Variants in PLA2G7 observed in about 807,000 individuals in gnomAD.
PLA2G7 encodes the protein phospholipase A2 group VII, also known as platelet-activating factor acetylhydrolase.
PLA2G7 carries 63 observed loss-of-function variants against 49.6 expected under a neutral mutation model. The ratio of observed to expected loss-of-function variants is 1.27; its 90% CI spans 1.04 to 1.57. The LOEUF (loss-of-function observed/expected upper bound fraction) is 1.57, where lower values mean the gene tolerates loss of function less well. PLA2G7 is among the 40% of genes most tolerant of loss of function. PLA2G7 has a pLI of 0.00. For missense variants in PLA2G7, 596 were observed against 521.2 expected, an observed-to-expected ratio of 1.14 and a Z score of -1.40; for synonymous variants, 193 against 169.9, an observed-to-expected ratio of 1.14 and a Z score of -1.06.
At chr6:46,733,113 C>T (rs1252136501) in intron 1 of PLA2G7, among the ~76,000 whole-genome samples, 1 of 152,186 alleles carries the variant, frequency 6.6e-6, no homozygotes, top group African/African-American at 2.4e-5. Flanking sequence ...CCCAGGGGCT[C>T]CCACTCCAGC....
chr6:46,727,008 T>C (rs1765592688), intron 1 of PLA2G7, among the ~76,000 whole-genome samples: 1 of 152,134 alleles, frequency 6.6e-6, no homozygotes, highest in Non-Finnish European at 1.5e-5. Context: ...AAAATAACTA[T>C]CTTCAATTTG....
At chr6:46,718,097 A>G (rs1427026473) in intron 2 of PLA2G7, among the ~76,000 whole-genome samples, 1 of 152,128 alleles carries the variant, frequency 6.6e-6, no homozygotes, top group East Asian at 1.9e-4. Flanking sequence ...CAACTGTCTC[A>G]TTTATGCCCT....
At chr6:46,716,884 A>C (rs1765219992) in intron 3 of PLA2G7, 91 bp downstream of exon 3, 1 of 1,311,574 alleles carries the variant, frequency 7.6e-7, no homozygotes, top group Non-Finnish European at 1.1e-6. Flanking sequence ...TTCTCAGGTG[A>C]GGGCAAGGTC....
chr6:46,709,197 G>T, intron 9 of PLA2G7, 130 bp downstream of exon 9: 1 of 649,196 alleles, frequency 1.5e-6, no homozygotes, highest in African/African-American at 1.8e-5. Flanking sequence ...TTTTATGGGG[G>T]CAAAAGAATA....
At chr6:46,730,263 C>T (rs548956461) in intron 1 of PLA2G7, among the ~76,000 whole-genome samples, 38 of 152,304 alleles carry the variant, frequency 2.5e-4, no homozygotes, top group Admixed American at 4.6e-4. Context: ...CAGTCCTGTG[C>T]AAAGTTCCTA....
chr6:46,706,670 A>G (rs1384704981), intron 10 of PLA2G7, among the ~76,000 whole-genome samples: 7 of 152,254 alleles, frequency 4.6e-5, no homozygotes, highest in Admixed American at 4.6e-4. Flanking sequence ...AGCACATGCA[A>G]TGACTAATAT....
intron 2 of PLA2G7, among the ~76,000 whole-genome samples, chr6:46,719,346 G>T (rs555260444): frequency 6.6e-6 from 1 of 152,296 alleles, no homozygotes; most frequent in African/African-American, 2.4e-5. Flanking sequence ...AATACATAAG[G>T]CTCAGCTACT....
At chr6:46,723,118 TA>T (rs1248965945) in intron 1 of PLA2G7, among the ~76,000 whole-genome samples, 193 bp from the exon 2 acceptor site, 1 of 152,178 alleles carries the variant, frequency 6.6e-6, no homozygotes, top group African/African-American at 2.4e-5. Context: ...CCTACATTAC[TA>T]AGGATTACAT....
At chr6:46,734,002 C>A (rs968779850) in intron 1 of PLA2G7, among the ~76,000 whole-genome samples, 1 of 152,140 alleles carries the variant, frequency 6.6e-6, no homozygotes, top group Non-Finnish European at 1.5e-5. Context: ...GAGCCATACG[C>A]ACCTCTCCTT....
chr6:46,723,271 A>C (rs1306442687), intron 1 of PLA2G7, among the ~76,000 whole-genome samples: 1 of 152,230 alleles, frequency 6.6e-6, no homozygotes, highest in Non-Finnish European at 1.5e-5. Flanking sequence ...TGTCATCATC[A>C]TAATAATATC....
chr6:46,710,212 T>C (rs1430448839), intron 8 of PLA2G7, among the ~76,000 whole-genome samples: 1 of 152,168 alleles, frequency 6.6e-6, no homozygotes, highest in African/African-American at 2.4e-5. Flanking sequence ...CCCAAACTTG[T>C]GTCAAGTTTT....
intron 1 of PLA2G7, among the ~76,000 whole-genome samples, chr6:46,734,543 G>A (rs1445283766): frequency 6.6e-6 from 1 of 151,286 alleles, no homozygotes; most frequent in Non-Finnish European, 1.5e-5. Context: ...AAACTCCGGG[G>A]CGGGCGCGGT....
chr6:46,713,348 A>C (rs545055809), intron 5 of PLA2G7, among the ~76,000 whole-genome samples: 1 of 152,312 alleles, frequency 6.6e-6, no homozygotes, highest in African/African-American at 2.4e-5. Context: ...TGAAGGCCAG[A>C]GAGTAAATAT....
Position 46,712,306 on chromosome 6 carries a change from C to G in PLA2G7, c.502G>C (p.Ala168Pro). 6.2e-7 allele frequency: 1 copy of G among 1,612,426 alleles called. No homozygotes were observed. ...TLYSAIGIDL[A>P]SHGFIVAAVE... The stretch of plus-strand genomic sequence containing the variant: ...GCAGCAACTATAAACCCATGAGATG[C>G]CAGGTCAATGCCAATAGCAGAATAA... The change falls in exon 6 of 12, where the codon GCA (alanine) becomes CCA (proline). Residue 168 changes from alanine to proline, a missense_variant. Physicochemically the swap from Ala to Pro is conservative, Grantham distance 27. Transcript: ENST00000274793.
chr6:46,717,135 T>C, intron 2 of PLA2G7, 39 bp from the exon 3 acceptor site: 1 of 1,571,770 alleles, frequency 6.4e-7, no homozygotes, highest in Non-Finnish European at 8.8e-7. Flanking sequence ...TGTCATCCAT[T>C]ACATATCAGA....
intron 10 of PLA2G7, among the ~76,000 whole-genome samples, chr6:46,705,966 T>C (rs866906492): frequency 2.0e-5 from 3 of 152,294 alleles, no homozygotes; most frequent in Middle Eastern, 3.4e-3. Context: ...CGCTAACCAC[T>C]CTATGTTCTT....
Position 46,722,823 on chromosome 6 carries a change from G to A in PLA2G7, c.69C>T (p.Asp23=). The change falls in exon 2 of 12, where the codon GAC becomes GAT. Residue 23 remains aspartate, a synonymous_variant. Coordinates refer to ENST00000274793, the MANE Select transcript of PLA2G7 (RefSeq NM_005084.4). ...GGGCAACAGGATTTATGTATTGCCA[G>A]TCAAAAGGATAAACCACAGCCAGGC... ...CGCLAVVYPF[D]WQYINPVAHM... The A allele has an allele frequency of 6.2e-7, 1 of 1,613,584 alleles. No homozygotes were observed. The highest frequency in any genetic ancestry group is 8.5e-7 in the Non-Finnish European group (1 of 1,179,522).
At chr6:46,731,136 GA>G (rs1405899248) in intron 1 of PLA2G7, among the ~76,000 whole-genome samples, 1 of 152,210 alleles carries the variant, frequency 6.6e-6, no homozygotes, top group Non-Finnish European at 1.5e-5. Flanking sequence ...TCAGGAAAGA[GA>G]AATAGAGTTG....
At chr6:46,719,303 T>A (rs1246783919) in intron 2 of PLA2G7, among the ~76,000 whole-genome samples, 1 of 152,246 alleles carries the variant, frequency 6.6e-6, no homozygotes, top group Non-Finnish European at 1.5e-5. Context: ...TGGTGACTCA[T>A]GTGTGAAACA....
Sources: allele counts gnomAD v4.1 joint callset (sites outside exome capture counted in the v4.1 genomes callset), GRCh38; gene constraint gnomAD v4.1.1; transcripts MANE v1.5; gene names NCBI Gene and HGNC (gene_info 2026-07-23, HGNC 2026-07-21).